Variants in UNC93A observed in about 807,000 individuals in gnomAD.
UNC93A encodes unc-93 homolog A.
In UNC93A, 43 loss-of-function variants were observed where a neutral mutation model predicts 47.5. That is an observed-to-expected ratio of 0.91 (90% CI 0.71 to 1.17). The LOEUF is 1.17. UNC93A is among the 50% of genes most tolerant of loss of function. The pLI, the probability that UNC93A is intolerant of heterozygous loss-of-function variation, is 0.00. For synonymous variants in UNC93A, 280 were observed against 258.0 expected (o/e 1.09, Z -0.82); for missense variants, 605 against 577.6 (o/e 1.05, Z -0.49).
upstream of UNC93A, among the ~76,000 whole-genome samples, chr6:167,289,079 C>T (rs904790471): frequency 3.3e-5 from 5 of 152,284 alleles, no homozygotes; most frequent in African/African-American, 4.8e-5. Context: ...AGCCCTGGGC[C>T]AGGCCATGGC....
chr6:167,302,807 G>A (rs1379443380), intron 4 of UNC93A, among the ~76,000 whole-genome samples: 1 of 152,132 alleles, frequency 6.6e-6, no homozygotes, highest in South Asian at 2.1e-4. Flanking sequence ...ATTTTGTGTG[G>A]CTTCAGTGAC....
chr6:167,288,369 G>T (rs894305213), upstream of UNC93A, among the ~76,000 whole-genome samples: 2 of 151,912 alleles, frequency 1.3e-5, no homozygotes, highest in African/African-American at 4.8e-5. Context: ...CCCCCGCCAA[G>T]ATTTAAGATG....
intron 4 of UNC93A, 138 bp from the exon 5 acceptor site, chr6:167,303,781 G>A (rs958436936): frequency 1.8e-4 from 134 of 754,394 alleles, no homozygotes; most frequent in Non-Finnish European, 2.6e-4. Flanking sequence ...TAAGCATGTT[G>A]TGTCTAATGT....
At chr6:167,303,359 C>T (rs763004040) in intron 4 of UNC93A, among the ~76,000 whole-genome samples, 5 of 152,146 alleles carry the variant, frequency 3.3e-5, no homozygotes, top group Non-Finnish European at 7.3e-5. Context: ...GGGATTTTCC[C>T]ATCCGTGTAT....
At chr6:167,309,029 G>T (rs1326663639) in intron 7 of UNC93A, among the ~76,000 whole-genome samples, 2 of 152,092 alleles carry the variant, frequency 1.3e-5, no homozygotes, top group Admixed American at 1.3e-4. Context: ...GGAGGAAGGG[G>T]CCCCAGGCTC....
At position 167,291,387 on chromosome 6, in the gene UNC93A, G is replaced by T; in HGVS notation, c.-103G>T. ...CTCTAGCTCAGATGAGAGAGAGAAT[G>T]GGACTTCTTGGTACTGATTGTTTTT... On this transcript the variant is annotated 5_prime_UTR_variant, in exon 1 of 8. An upstream start codon of the reference 5' UTR is lost. Transcript: ENST00000230256. 1 of 920,386 alleles carries T rather than the reference G, an allele frequency of 1.1e-6. No homozygotes were observed. The highest frequency in any genetic ancestry group is 1.7e-6 in the Non-Finnish European group (1 of 598,744). 57.0% of individuals were successfully genotyped at this position (920,386 alleles called of 1,614,324 possible). A position where few individuals can be genotyped will look rare whatever the true frequency, so the allele number is the denominator to read the frequency against.
intron 4 of UNC93A, 114 bp from the exon 5 acceptor site, chr6:167,303,805 G>T (rs1267365655): frequency 9.3e-6 from 9 of 966,960 alleles, no homozygotes; most frequent in Admixed American, 2.0e-5. Flanking sequence ...CTGAAATCTG[G>T]ATCTGAATTA....
intron 3 of UNC93A, among the ~76,000 whole-genome samples, chr6:167,297,465 A>G (rs1778118686): frequency 6.6e-6 from 1 of 152,144 alleles, no homozygotes; most frequent in Non-Finnish European, 1.5e-5. Flanking sequence ...TTCAAATTGT[A>G]TTTTTCTAAG....
upstream of UNC93A, among the ~76,000 whole-genome samples, chr6:167,269,270 G>A (rs1443787151): frequency 3.9e-5 from 6 of 152,324 alleles, no homozygotes; most frequent in Non-Finnish European, 7.4e-5. Context: ...CACGGTGAGC[G>A]ACGCCCAGAG....
At chr6:167,307,071 T>G (rs1458112392) in intron 6 of UNC93A, among the ~76,000 whole-genome samples, 1 of 152,168 alleles carries the variant, frequency 6.6e-6, no homozygotes, top group Non-Finnish European at 1.5e-5. Context: ...GGGCACACTT[T>G]GTCCTACCCC....
chr6:167,277,365 A>G (rs773270197), intron 1 of UNC93A, among the ~76,000 whole-genome samples: 12 of 152,108 alleles, frequency 7.9e-5, no homozygotes, highest in Non-Finnish European at 1.8e-4. Context: ...GCCTCTGACC[A>G]TGGGGCTCTC....
chr6:167,280,252 G>A (rs2346173), intron 1 of UNC93A, among the ~76,000 whole-genome samples: 25 of 152,280 alleles, frequency 1.6e-4, no homozygotes, highest in African/African-American at 5.3e-4. Context: ...CAGGCTCCCC[G>A]TGAGCTCAGA....
upstream of UNC93A, among the ~76,000 whole-genome samples, chr6:167,289,676 G>T (rs1437756990): frequency 6.6e-6 from 1 of 151,772 alleles, no homozygotes; most frequent in African/African-American, 2.4e-5. Flanking sequence ...GGATGGGGCT[G>T]GTGAGTTGAA....
At position 167,294,630 on chromosome 6, in the gene UNC93A, C is replaced by T. The variant is rs769771198; in HGVS notation, c.201C>T (p.Cys67=). Residue 67 remains cysteine, a synonymous_variant, in exon 2 of 8, where the codon TGC becomes TGT. Coordinates refer to ENST00000230256, the MANE Select transcript of UNC93A (RefSeq NM_018974.4). ...LPPLLIERLG[C]KGTIILSMCG... is the part of the protein sequence containing the mutation. ...CGCTCCTCATCGAGAGGCTGGGCTG[C>T]AAGGGGACCATCATCCTCTCCATGT... is the stretch of plus-strand genomic sequence containing the variant. The T allele has an allele frequency of 1.9e-5, 30 of 1,613,578 alleles. No individual in the cohort carries two copies. Among genetic ancestry groups the T allele is most frequent in the Non-Finnish European group, 2.5e-5 (30 of 1,179,688 alleles).
At chr6:167,269,157 A>G (rs934850405), upstream of UNC93A, among the ~76,000 whole-genome samples, 17 of 152,178 alleles carry the variant, frequency 1.1e-4, no homozygotes, top group Non-Finnish European at 7.3e-5. Context: ...CAGCGAGATG[A>G]GCGTGGCTGG....
intron 1 of UNC93A, among the ~76,000 whole-genome samples, chr6:167,293,393 C>T (rs996918373): frequency 5.9e-5 from 9 of 152,122 alleles, no homozygotes; most frequent in African/African-American, 9.7e-5. Flanking sequence ...CACCCTGGTT[C>T]GAGGCCCCAC....
At chr6:167,296,495 C>T (rs983927408) in intron 3 of UNC93A, among the ~76,000 whole-genome samples, 1 of 152,232 alleles carries the variant, frequency 6.6e-6, no homozygotes, top group African/African-American at 2.4e-5. Flanking sequence ...ACAGGTGCCT[C>T]CGCAGGGGCA....
intron 7 of UNC93A, 112 bp downstream of exon 7, chr6:167,308,022 G>A (rs574694777): frequency 2.1e-6 from 3 of 1,420,240 alleles, no homozygotes; most frequent in Admixed American, 4.6e-5. Context: ...GAGATGAGTT[G>A]GGAGAGACGG....
At chr6:167,288,895 C>T (rs1445210936), upstream of UNC93A, among the ~76,000 whole-genome samples, 1 of 152,258 alleles carries the variant, frequency 6.6e-6, no homozygotes, top group East Asian at 1.9e-4. Context: ...CTTTGTATCA[C>T]CCAGGGCATC....
Sources: gnomAD v4.1 joint callset for allele counts (sites outside exome capture counted in the v4.1 genomes callset) on GRCh38, gnomAD v4.1.1 for gene constraint, MANE v1.5 for transcripts, NCBI Gene and HGNC (gene_info 2026-07-23, HGNC 2026-07-21) for gene names.